The following PRTG variants were observed in gnomAD, a reference collection of about 807,000 sequenced individuals.
The protein encoded by PRTG is protogenin.
PRTG carries 67 observed loss-of-function variants against 122.5 expected under a neutral mutation model. The ratio of observed to expected loss-of-function variants is 0.55; its 90% CI spans 0.45 to 0.67. The LOEUF (loss-of-function observed/expected upper bound fraction) is 0.67. PRTG is among the 30% of genes least tolerant of loss of function. PRTG has a pLI of 0.00. For missense variants in PRTG, 1,435 were observed against 1,415.4 expected (o/e 1.01, Z -0.22); for synonymous variants, 554 against 501.1 (o/e 1.11, Z -1.41).
chr15:55,696,136 T>C (rs1218831551), intron 2 of PRTG, among the ~76,000 whole-genome samples: 2 of 152,028 alleles, frequency 1.3e-5, no homozygotes, highest in South Asian at 2.1e-4. Flanking sequence ...TGGTGGCCTG[T>C]GTCTGTGGTC....
chr15:55,714,946 G>A (rs552720056), intron 2 of PRTG, among the ~76,000 whole-genome samples: 21 of 152,240 alleles, frequency 1.4e-4, no homozygotes, highest in Non-Finnish European at 2.8e-4. Flanking sequence ...TCTTTACAGA[G>A]CTTTACACAT....
intron 11 of PRTG, among the ~76,000 whole-genome samples, chr15:55,653,251 G>C (rs998124586): frequency 6.6e-6 from 1 of 152,068 alleles, no homozygotes; most frequent in Non-Finnish European, 1.5e-5. Flanking sequence ...CATGGAAGCT[G>C]ACCAGTAGAG....
Position 55,682,509 on chromosome 15 carries a change from G to A in PRTG, c.543-12C>T. ...GTAGGGCAGTTATCCTGTTATGAGA[G>A]AAAGATAATTAAACTTTTTGTAGTA... is the stretch of plus-strand genomic sequence containing the variant. On this transcript the variant is annotated splice_polypyrimidine_tract_variant and intron_variant, in intron 3 of 19. Coordinates refer to ENST00000389286, the MANE Select transcript of PRTG (RefSeq NM_173814.6). The A allele has an allele frequency of 7.1e-7, 1 of 1,405,152 alleles. No individual in the cohort carries two copies. Among genetic ancestry groups the A allele is most frequent in the Non-Finnish European group, 9.4e-7 (1 of 1,064,618 alleles). 87.0% of individuals were successfully genotyped at this position (1,405,152 alleles called of 1,614,324 possible).
rs550318030 is a variant in PRTG, at chr15:55,624,585, A to C, written c.2928-78T>G. 221 of 1,222,998 alleles carry C rather than the reference A, an allele frequency of 1.8e-4. 3 individuals carry two copies. The South Asian group carries it at 3.7e-3, about 21-fold the overall frequency. 75.8% of individuals were successfully genotyped at this position (1,222,998 alleles called of 1,614,324 possible). On this transcript the variant is annotated intron_variant, in intron 17 of 19. Coordinates refer to ENST00000389286, the MANE Select transcript of PRTG (RefSeq NM_173814.6). ...AAATGAACCACCTGGCCTATCAACA[A>C]AACTTTGTAAGCAATGCAGTTCTTT...
chr15:55,681,044 C>T (rs1348642521), intron 4 of PRTG, among the ~76,000 whole-genome samples: 1 of 152,066 alleles, frequency 6.6e-6, no homozygotes, highest in Non-Finnish European at 1.5e-5. Context: ...ATAATGTTTT[C>T]AAGGTTCACC....
chr15:55,656,456 G>A (rs997473312), intron 11 of PRTG: 12 of 400,656 alleles, frequency 3.0e-5, no homozygotes, highest in South Asian at 1.9e-4. Context: ...AATCTGTTAG[G>A]TTGCTTGTTG....
At chr15:55,631,249 T>C (rs910083223) in intron 15 of PRTG, among the ~76,000 whole-genome samples, 3 of 152,148 alleles carry the variant, frequency 2.0e-5, no homozygotes, top group African/African-American at 7.2e-5. Flanking sequence ...AAAACAAAGA[T>C]GTATTGTGAC....
At chr15:55,665,982 T>G (rs184542178) in intron 11 of PRTG, among the ~76,000 whole-genome samples, 3 of 152,374 alleles carry the variant, frequency 2.0e-5, no homozygotes, top group Admixed American at 2.0e-4. Flanking sequence ...ATTTATGTAT[T>G]TTCCAAGGCT....
chr15:55,721,121 C>T (rs1385959831), intron 2 of PRTG, among the ~76,000 whole-genome samples: 1 of 152,216 alleles, frequency 6.6e-6, no homozygotes, highest in Non-Finnish European at 1.5e-5. Flanking sequence ...CTGAACTTTT[C>T]CCTCTCCCTG....
intron 2 of PRTG, among the ~76,000 whole-genome samples, chr15:55,727,249 C>G (rs541668637): frequency 6.7e-6 from 1 of 150,244 alleles, no homozygotes; most frequent in African/African-American, 2.4e-5. Flanking sequence ...ATGAACAAAA[C>G]TAACAAAACT....
At chr15:55,692,069 G>T (rs1376748773) in intron 2 of PRTG, among the ~76,000 whole-genome samples, 1 of 151,920 alleles carries the variant, frequency 6.6e-6, no homozygotes, top group Admixed American at 6.6e-5. Flanking sequence ...GAAAAAGATA[G>T]AAAAGTATGT....
At chr15:55,680,263 A>G in intron 5 of PRTG, 51 bp from the exon 6 acceptor site, 1 of 1,428,326 alleles carries the variant, frequency 7.0e-7, no homozygotes, top group Admixed American at 1.8e-5. Context: ...ATAACCTGAA[A>G]TTATGTCAAA....
chr15:55,637,457 C>G (rs1427795667), intron 14 of PRTG, 117 bp from the exon 15 acceptor site: 9 of 741,594 alleles, frequency 1.2e-5, no homozygotes, highest in Non-Finnish European at 1.8e-5. Context: ...CATAAGAAAT[C>G]ACAGCTTTCA....
intron 2 of PRTG, among the ~76,000 whole-genome samples, chr15:55,722,831 CAGAGCAAATATAGGAATTA>C (rs1256359836): frequency 6.6e-6 from 1 of 152,100 alleles, no homozygotes; most frequent in African/African-American, 2.4e-5. Flanking sequence ...CATGGTGGTC[CAGAGCAAATATAGGAATTA>C]AGAGCCTCCA....
intron 8 of PRTG, among the ~76,000 whole-genome samples, chr15:55,676,887 A>T (rs1222204370): frequency 6.6e-6 from 1 of 152,238 alleles, no homozygotes; most frequent in Admixed American, 6.6e-5. Context: ...TTTACATTCA[A>T]AATATTCCTT....
intron 2 of PRTG, among the ~76,000 whole-genome samples, chr15:55,688,421 C>A (rs1465672569): frequency 7.9e-5 from 12 of 151,956 alleles, no homozygotes; most frequent in African/African-American, 2.9e-4. Context: ...TTTTAGTTTT[C>A]AACCACAGCC....
At chr15:55,640,882 G>A (rs1156697095) in intron 12 of PRTG, among the ~76,000 whole-genome samples, 1 of 151,678 alleles carries the variant, frequency 6.6e-6, no homozygotes, top group Non-Finnish European at 1.5e-5. Flanking sequence ...AGCCAGGTGT[G>A]GTGGTGGTGC....
chr15:55,661,851 C>G (rs776453334), intron 11 of PRTG, among the ~76,000 whole-genome samples: 8 of 150,586 alleles, frequency 5.3e-5, no homozygotes, highest in Non-Finnish European at 1.2e-4. Flanking sequence ...TAGGCAAATG[C>G]ATCAGTTTTA....
At chr15:55,639,609 CA>C in intron 13 of PRTG, 32 bp downstream of exon 13, 1 of 1,591,458 alleles carries the variant, frequency 6.3e-7, no homozygotes, top group South Asian at 1.1e-5. Context: ...GTGAGGTAAG[CA>C]AAGAAAATAA....
Sources: gnomAD v4.1 joint callset for allele counts (sites outside exome capture counted in the v4.1 genomes callset) on GRCh38, gnomAD v4.1.1 for gene constraint, MANE v1.5 for transcripts, NCBI Gene and HGNC (gene_info 2026-07-23, HGNC 2026-07-21) for gene names.